CEP89: variants seen among roughly 807,000 people sequenced by gnomAD.
CEP89 encodes centrosomal protein of 89 kDa.
In CEP89, 95 loss-of-function variants were observed where a neutral mutation model predicts 97.6. That is an observed-to-expected ratio of 0.97 (90% CI 0.82 to 1.15). The LOEUF is 1.15. CEP89 is among the 50% of genes most tolerant of loss of function. CEP89 has a pLI of 0.00. For missense variants in CEP89, 869 were observed against 947.7 expected, an observed-to-expected ratio of 0.92 and a Z score of 1.09; for synonymous variants, 354 against 349.1, an observed-to-expected ratio of 1.01 and a Z score of -0.16.
chr19:32,887,018 A>C (rs77964261), intron 17 of CEP89, among the ~76,000 whole-genome samples: 9,788 of 131,672 alleles, frequency 0.074, 1,076 homozygotes, highest in African/African-American at 0.25. Flanking sequence ...TCTAAACAAA[A>C]AAAAAAAATA....
intron 4 of CEP89, among the ~76,000 whole-genome samples, chr19:32,951,528 T>TACACACACAC (rs1367738672): frequency 1.1e-5 from 1 of 94,246 alleles, no homozygotes; most frequent in Non-Finnish European, 2.1e-5. Context: ...TATATATATA[T>TACACACACAC]ATATATACAC....
intron 13 of CEP89, chr19:32,917,766 G>A (rs1970157973): frequency 1.0e-6 from 1 of 982,790 alleles, no homozygotes; most frequent in Non-Finnish European, 1.2e-6. Flanking sequence ...GAAGGTGTTT[G>A]ATGGAAATCT....
At chr19:32,898,848 C>T (rs556364112) in intron 16 of CEP89, among the ~76,000 whole-genome samples, 2 of 146,964 alleles carry the variant, frequency 1.4e-5, no homozygotes, top group East Asian at 4.0e-4. Context: ...CGCCACTGCA[C>T]TCCAGCCTGG....
rs375310554 is a variant in CEP89 at position 32,931,423 on chromosome 19, C to T, written c.1029+6G>A. 2.1e-5 allele frequency: 33 copies of T among 1,561,230 alleles called. No homozygotes were observed. Among genetic ancestry groups the T allele is most frequent in the Admixed American group, 2.0e-4 (9 of 44,392 alleles). ...AAAAGCTGATTTTCACAATCGGAAA[C>T]GTTACCTCTTCCTTGGACAAATGCC... is the stretch of plus-strand genomic sequence containing the variant. On this transcript the variant is annotated splice_donor_region_variant and intron_variant, in intron 9 of 18. Transcript: ENST00000305768.
At chr19:32,951,511 TTATATATATATATATATA>T (rs72440449) in intron 4 of CEP89, among the ~76,000 whole-genome samples, 4 of 132,042 alleles carry the variant, frequency 3.0e-5, no homozygotes, top group African/African-American at 6.1e-5. Flanking sequence ...CAACAAAAAA[TTATATATATATATATATA>T]TATATACACA....
At chr19:32,888,641 C>T (rs1568544548) in intron 16 of CEP89, among the ~76,000 whole-genome samples, 2 of 150,944 alleles carry the variant, frequency 1.3e-5, no homozygotes, top group Admixed American at 1.3e-4. Context: ...TGAGATCGCG[C>T]CACCGCACTC....
chr19:32,944,858 C>T (rs1243264562), intron 5 of CEP89, among the ~76,000 whole-genome samples: 2 of 152,182 alleles, frequency 1.3e-5, no homozygotes, highest in African/African-American at 2.4e-5. Flanking sequence ...AGGCTTTAGA[C>T]ACTAATCATC....
At chr19:32,908,888 T>C (rs1969943856) in intron 14 of CEP89, among the ~76,000 whole-genome samples, 1 of 152,184 alleles carries the variant, frequency 6.6e-6, no homozygotes, top group Non-Finnish European at 1.5e-5. Context: ...AAAGGGCTCA[T>C]TGAACTTGTG....
At chr19:32,895,203 G>A (rs539428885) in intron 16 of CEP89, among the ~76,000 whole-genome samples, 68 of 152,150 alleles carry the variant, frequency 4.5e-4, no homozygotes, top group Admixed American at 4.6e-4. Context: ...TATCCCTAAT[G>A]AACACAGATG....
chr19:32,907,455 A>AT (rs11323866), intron 14 of CEP89, among the ~76,000 whole-genome samples: 18,695 of 142,084 alleles, frequency 0.13, 1,709 homozygotes, highest in African/African-American at 0.25. Flanking sequence ...TGGTTTCTCT[A>AT]TTTTTTTTTT....
At chr19:32,902,006 C>CTGTG (rs1287486651) in intron 14 of CEP89, among the ~76,000 whole-genome samples, 3 of 98,722 alleles carry the variant, frequency 3.0e-5, no homozygotes, top group African/African-American at 1.2e-4. Flanking sequence ...GTCTCTCTCT[C>CTGTG]TCTCTGTGTG....
chr19:32,897,476 C>T (rs1969667368), intron 16 of CEP89, among the ~76,000 whole-genome samples: 1 of 152,192 alleles, frequency 6.6e-6, no homozygotes, highest in Non-Finnish European at 1.5e-5. Context: ...AGGAAGAGAA[C>T]TAACCTATAA....
chr19:32,890,797 C>T (rs1969498943), intron 16 of CEP89, among the ~76,000 whole-genome samples: 1 of 152,130 alleles, frequency 6.6e-6, no homozygotes, highest in Non-Finnish European at 1.5e-5. Context: ...CCCCACTGCT[C>T]CAGAGCGGGG....
intron 16 of CEP89, among the ~76,000 whole-genome samples, chr19:32,890,603 G>A (rs927427513): frequency 1.2e-4 from 19 of 152,268 alleles, no homozygotes; most frequent in African/African-American, 2.2e-4. Flanking sequence ...AGAGGGAGAC[G>A]ACAGCCCAGA....
Position 32,918,032 on chromosome 19 carries a change from T to C in CEP89, c.1384+192A>G, listed in dbSNP as rs548453288. On this transcript the variant is annotated intron_variant, in intron 13 of 18. Transcript: ENST00000305768. ...ACCCATGGGATGATGAGAGACACTG[T>C]GGAGTCTGAAAAAGCAATCTATGCA... Among the ~76,000 whole-genome samples, 50 of 152,286 alleles carry C rather than the reference T, an allele frequency of 3.3e-4. 2 individuals carry two copies. In the South Asian group the frequency reaches 8.3e-3, roughly 25 times the overall value.
intron 11 of CEP89, 150 bp downstream of exon 11, chr19:32,926,040 C>T (rs571118694): frequency 1.5e-6 from 1 of 676,660 alleles, no homozygotes; most frequent in Admixed American, 2.4e-5. Context: ...CACCCTGCCA[C>T]ACTCCTTCCT....
chr19:32,968,436 TG>T lies in CEP89; in HGVS notation c.40-1971del, dbSNP rs564499576. Among the ~76,000 whole-genome samples, 135 of 152,260 alleles carry T rather than the reference TG, an allele frequency of 8.9e-4. 1 individual carries two copies. The highest frequency in any genetic ancestry group is 3.0e-3 in the African/African-American group (126 of 41,556). On this transcript the variant is annotated intron_variant, in intron 1 of 18. Coordinates refer to ENST00000305768, the MANE Select transcript of CEP89 (RefSeq NM_032816.5). ...GCTAATTTTTGTATTTTGGTAGAGA[TG>T]GGGTTTTACCATGTTGGCCAGGGTG...
At chr19:32,971,732 C>T (rs1971416067) in intron 1 of CEP89, 104 bp downstream of exon 1, 1 of 1,125,256 alleles carries the variant, frequency 8.9e-7, no homozygotes, top group South Asian at 1.3e-5. Flanking sequence ...TCTTGTGCCG[C>T]CCCCTTGACT....
In CEP89 at chr19:32,926,963, G is replaced by A; in HGVS notation, c.1051C>T (p.Pro351Ser). Residue 351 changes from proline to serine, a missense_variant, in exon 10 of 19, where the codon CCA becomes TCA. Transcript: ENST00000305768. ...KEESLNIEGLPSKGPIPPWLL... is the reference protein window; with the variant it reads ...KEESLNIEGLSSKGPIPPWLL... ...CAGGGTGGTATAGGGCCCTTGGATG[G>A]GAGGCCTTCAATATTTAAGCTCTAA... is the stretch of plus-strand genomic sequence containing the variant. The A allele has an allele frequency of 6.2e-7, 1 of 1,613,734 alleles. No individual in the cohort carries two copies. Among genetic ancestry groups the A allele is most frequent in the South Asian group, 1.1e-5 (1 of 91,042 alleles).
Sources: allele counts gnomAD v4.1 joint callset (sites outside exome capture counted in the v4.1 genomes callset), GRCh38; gene constraint gnomAD v4.1.1; transcripts MANE v1.5; gene names NCBI Gene and HGNC (gene_info 2026-07-23, HGNC 2026-07-21).